Variants in SGCD observed in about 807,000 individuals in gnomAD.
SGCD encodes the protein sarcoglycan delta.
SGCD carries 18 observed loss-of-function variants against 36.6 expected under a neutral mutation model. The ratio of observed to expected loss-of-function variants is 0.49; its 90% confidence interval spans 0.34 to 0.73. SGCD has a LOEUF of 0.73. Ranked by LOEUF, SGCD falls within the 30% of genes least tolerant of loss-of-function variation. The pLI, the probability that SGCD is intolerant of heterozygous loss-of-function variation, is 0.01. For missense variants in SGCD, 387 were observed against 346.7 expected, an observed-to-expected ratio of 1.12 and a Z score of -0.92; for synonymous variants, 133 against 130.6, an observed-to-expected ratio of 1.02 and a Z score of -0.12.
the SGCD span, among the ~76,000 whole-genome samples, chr5:155,731,212 CAAG>C: frequency 6.6e-6 from 1 of 151,234 alleles, no homozygotes; most frequent in Non-Finnish European, 1.5e-5. Context: ...AGAGAGAAGA[CAAG>C]AAAGTTACAG....
chr5:156,290,711 G>C (rs541529552), intron 3 of SGCD, among the ~76,000 whole-genome samples: 2 of 152,252 alleles, frequency 1.3e-5, no homozygotes, highest in South Asian at 4.1e-4. Flanking sequence ...TCACTGGTTT[G>C]ATAGGTATAC....
chr5:156,000,322 G>A (rs1187773155), intron 1 of SGCD, among the ~76,000 whole-genome samples: 2 of 152,152 alleles, frequency 1.3e-5, no homozygotes, highest in African/African-American at 4.8e-5. Context: ...GGGCTTGTTT[G>A]GGCAGGCAGT....
At chr5:156,471,136 C>T (rs1754944807) in intron 3 of SGCD, among the ~76,000 whole-genome samples, 1 of 152,102 alleles carries the variant, frequency 6.6e-6, no homozygotes, top group Non-Finnish European at 1.5e-5. Flanking sequence ...GGAGAAGAGA[C>T]TATTCTCTAG....
intron 4 of SGCD, among the ~76,000 whole-genome samples, chr5:156,583,182 T>A (rs570225609): frequency 6.6e-6 from 1 of 152,264 alleles, no homozygotes; most frequent in South Asian, 2.1e-4. Context: ...TTGAAGGCAA[T>A]GCCAACTGTG....
At chr5:155,737,467 C>T in the SGCD span, among the ~76,000 whole-genome samples, 1 of 152,228 alleles carries the variant, frequency 6.6e-6, no homozygotes, top group Admixed American at 6.5e-5. Flanking sequence ...TAGTCTGATA[C>T]TTTCCATTCT....
At chr5:156,720,579 A>T (rs1755447404) in intron 7 of SGCD, among the ~76,000 whole-genome samples, 1 of 152,184 alleles carries the variant, frequency 6.6e-6, no homozygotes, top group Non-Finnish European at 1.5e-5. Context: ...ATTCTGGATG[A>T]TGTAAAGACT....
At chr5:156,185,414 CCA>C (rs1763717059) in intron 3 of SGCD, among the ~76,000 whole-genome samples, 1 of 151,900 alleles carries the variant, frequency 6.6e-6, no homozygotes, top group Non-Finnish European at 1.5e-5. Flanking sequence ...CGGGGTTTCA[CCA>C]CGTTAGCCAG....
intron 3 of SGCD, among the ~76,000 whole-genome samples, chr5:156,249,693 A>C (rs2127660062): frequency 6.7e-6 from 1 of 150,206 alleles, no homozygotes; most frequent in South Asian, 2.1e-4. Context: ...ATTGGGATAA[A>C]ACAATTACTT....
At chr5:156,183,345 C>T (rs1042199787) in intron 3 of SGCD, among the ~76,000 whole-genome samples, 1 of 151,976 alleles carries the variant, frequency 6.6e-6, no homozygotes, top group Non-Finnish European at 1.5e-5. Flanking sequence ...ATCACAGTAC[C>T]CCACTTGGCC....
chr5:156,566,274 A>G (rs1393443049), intron 4 of SGCD, among the ~76,000 whole-genome samples: 1 of 152,172 alleles, frequency 6.6e-6, no homozygotes, highest in African/African-American at 2.4e-5. Flanking sequence ...AAACATGTCT[A>G]CCAAAATAAA....
intron 7 of SGCD, among the ~76,000 whole-genome samples, chr5:156,754,620 T>C (rs1425618469): frequency 6.6e-6 from 1 of 152,220 alleles, no homozygotes; most frequent in Non-Finnish European, 1.5e-5. Flanking sequence ...ATATTAGCTT[T>C]GGAGTCCACT....
At chr5:156,661,570 CT>C (rs1200877234) in intron 7 of SGCD, among the ~76,000 whole-genome samples, 1 of 142,520 alleles carries the variant, frequency 7.0e-6, no homozygotes, top group Non-Finnish European at 1.5e-5. Flanking sequence ...TCTTTCGGCC[CT>C]GTGTAAGCTG....
At chr5:156,134,626 C>T (rs1039356783) in intron 3 of SGCD, among the ~76,000 whole-genome samples, 13 of 147,812 alleles carry the variant, frequency 8.8e-5, no homozygotes, top group Non-Finnish European at 1.9e-4. Flanking sequence ...GGTTCTCACT[C>T]ATAGGTGGGA....
chr5:156,072,110 G>A (rs1476332197), intron 1 of SGCD, among the ~76,000 whole-genome samples: 5 of 151,978 alleles, frequency 3.3e-5, no homozygotes, highest in Admixed American at 6.6e-5. Flanking sequence ...TCTTTTAATT[G>A]GAGCATTTAG....
chr5:156,569,143 C>T (rs922054033), intron 4 of SGCD, among the ~76,000 whole-genome samples: 10 of 152,260 alleles, frequency 6.6e-5, no homozygotes, highest in Non-Finnish European at 8.8e-5. Context: ...GCGAACTCAG[C>T]GAACTCATAT....
At chr5:155,838,587 A>C in the SGCD span, among the ~76,000 whole-genome samples, 1 of 152,142 alleles carries the variant, frequency 6.6e-6, no homozygotes, top group African/African-American at 2.4e-5. Context: ...ACACTTTCAG[A>C]GAATCCACGA....
At chr5:155,767,907 C>T in the SGCD span, among the ~76,000 whole-genome samples, 3 of 152,102 alleles carry the variant, frequency 2.0e-5, no homozygotes, top group Non-Finnish European at 2.9e-5. Context: ...CAGATTTTTA[C>T]TTCTTCTAAG....
At chr5:156,334,367 G>T (rs79179968) in intron 2 of SGCD, among the ~76,000 whole-genome samples, 8 of 152,114 alleles carry the variant, frequency 5.3e-5, no homozygotes, top group African/African-American at 1.7e-4. Flanking sequence ...TTAAATCTGC[G>T]ATCAGATGTT....
At chr5:156,605,174 A>G (rs1329588837) in intron 6 of SGCD, among the ~76,000 whole-genome samples, 2 of 152,114 alleles carry the variant, frequency 1.3e-5, no homozygotes, top group Non-Finnish European at 2.9e-5. Context: ...AACATGAGGT[A>G]TATCTCATAA....
Sources: gnomAD v4.1 joint callset for allele counts (sites outside exome capture counted in the v4.1 genomes callset) on GRCh38, gnomAD v4.1.1 for gene constraint, MANE v1.5 for transcripts, NCBI Gene and HGNC (gene_info 2026-07-23, HGNC 2026-07-21) for gene names.